PCDH15: variants seen among roughly 807,000 people sequenced by gnomAD.
PCDH15 encodes the protein protocadherin-15.
A neutral mutation model predicts 178.5 loss-of-function variants in PCDH15; 129 were observed. The observed-to-expected ratio is 0.72, with a 90% CI of 0.63 to 0.84. The LOEUF (loss-of-function observed/expected upper bound fraction) is 0.84. PCDH15 is among the 40% of genes least tolerant of loss of function. PCDH15 has a pLI of 0.00. For missense variants in PCDH15, 2,230 were observed against 2,099.9 expected (o/e 1.06, Z -1.21); for synonymous variants, 800 against 732.0 (o/e 1.09, Z -1.50).
chr10:54,297,733 G>A lies in PCDH15; in HGVS notation c.876+19538C>T, dbSNP rs529315504. Among the ~76,000 whole-genome samples, 10 of 152,286 alleles carry A rather than the reference G, an allele frequency of 6.6e-5. No individual in the cohort carries two copies. In the East Asian group the frequency reaches 1.4e-3, roughly 21 times the overall value. ...GGTACATGTCCCCTTCTCCCTCTCC[G>A]ATTTAAAGCAGATCAAGGCAGACCT... is the stretch of plus-strand genomic sequence containing the variant. On this transcript the variant is annotated intron_variant, in intron 8 of 37. Transcript: ENST00000644397.
At chr10:54,516,027 C>T (rs4437941) in intron 3 of PCDH15, among the ~76,000 whole-genome samples, 25,015 of 152,058 alleles carry the variant, frequency 0.16, 2,355 homozygotes, top group East Asian at 0.44. Context: ...CAAAAGCAGA[C>T]AAAACCACAA....
chr10:55,011,107 T>TACAC (rs35301705), intron 2 of PCDH15, among the ~76,000 whole-genome samples: 7 of 151,526 alleles, frequency 4.6e-5, no homozygotes, highest in East Asian at 1.9e-4. Context: ...ATTTTCTTGT[T>TACAC]ACACACACAC....
intron 21 of PCDH15, among the ~76,000 whole-genome samples, chr10:53,964,565 C>T (rs1163424810): frequency 4.9e-5 from 7 of 143,316 alleles, no homozygotes; most frequent in Non-Finnish European, 3.1e-5. Flanking sequence ...AACCACACAT[C>T]AAGGGTGCCC....
chr10:54,693,888 GA>G (rs2095173706), intron 1 of PCDH15, among the ~76,000 whole-genome samples: 1 of 152,008 alleles, frequency 6.6e-6, no homozygotes, highest in African/African-American at 2.4e-5. Flanking sequence ...AATCGTACAA[GA>G]AAAAACCAAA....
intron 1 of PCDH15, among the ~76,000 whole-genome samples, chr10:54,732,607 T>C (rs1943563412): frequency 6.6e-6 from 1 of 151,510 alleles, no homozygotes; most frequent in Admixed American, 6.6e-5. Context: ...TTCCACTAAA[T>C]GCTGAAGAAG....
chr10:55,289,983 T>C (rs1259129263), intron 1 of PCDH15, among the ~76,000 whole-genome samples: 1 of 151,826 alleles, frequency 6.6e-6, no homozygotes. Flanking sequence ...TCTTCTGTCA[T>C]AAGAAAACAT....
chr10:54,739,355 T>G (rs759427906), intron 1 of PCDH15, among the ~76,000 whole-genome samples: 90 of 151,786 alleles, frequency 5.9e-4, no homozygotes, highest in Middle Eastern at 3.4e-3. Context: ...AACCCGGGAA[T>G]AAATTTAGCC....
At chr10:54,516,367 G>T (rs2082218405) in intron 3 of PCDH15, among the ~76,000 whole-genome samples, 1 of 152,110 alleles carries the variant, frequency 6.6e-6, no homozygotes. Context: ...GTGCTTAAAG[G>T]AGCTGATGGA....
chr10:54,903,460 C>T (rs1412769017), intron 2 of PCDH15, among the ~76,000 whole-genome samples: 9 of 151,948 alleles, frequency 5.9e-5, no homozygotes, highest in Admixed American at 2.0e-4. Flanking sequence ...CACTTTGTTC[C>T]CCATTAGAAT....
intron 1 of PCDH15, among the ~76,000 whole-genome samples, chr10:54,683,992 C>A (rs780159652): frequency 6.6e-6 from 1 of 151,812 alleles, no homozygotes; most frequent in African/African-American, 2.4e-5. Flanking sequence ...TTTTGAGATA[C>A]TAAGAAGATT....
intron 2 of PCDH15, among the ~76,000 whole-genome samples, chr10:54,577,098 T>C (rs2090553156): frequency 1.3e-5 from 2 of 152,162 alleles, no homozygotes; most frequent in Admixed American, 1.3e-4. Flanking sequence ...TTTCTTTTTT[T>C]TTTTTGAGAC....
chr10:54,796,452 A>AT (rs66554759), intron 1 of PCDH15, among the ~76,000 whole-genome samples: 18,840 of 150,002 alleles, frequency 0.13, 1,789 homozygotes, highest in East Asian at 0.49. Context: ...ATCTCTTTAC[A>AT]TTTTTTTGTT....
Position 53,925,474 on chromosome 10 carries a change from C to G in PCDH15, c.3373+13341G>C, listed in dbSNP as rs141701522. ...CATCTTTTAGAACCCTAACACTCAC[C>G]GCGAGGGTCCGCGGCTTCATTCTTG... On this transcript the variant is annotated intron_variant, in intron 25 of 37. Transcript: ENST00000644397. Among the ~76,000 whole-genome samples, 795 of 152,312 alleles carry G rather than the reference C, an allele frequency of 5.2e-3. 8 individuals are homozygous for G. The highest frequency in any genetic ancestry group is 9.0e-3 in the Non-Finnish European group (615 of 68,026).
chr10:54,084,713 G>A (rs866762894), intron 16 of PCDH15, among the ~76,000 whole-genome samples: 4 of 152,094 alleles, frequency 2.6e-5, no homozygotes, highest in Middle Eastern at 3.4e-3. Flanking sequence ...TCAAAATTCC[G>A]TTATTAGGAA....
At chr10:54,059,760 C>T (rs548896560) in intron 18 of PCDH15, among the ~76,000 whole-genome samples, 2 of 152,274 alleles carry the variant, frequency 1.3e-5, no homozygotes, top group East Asian at 1.9e-4. Context: ...AGTTCAGATA[C>T]GCATGAGCAA....
At chr10:54,724,609 G>T (rs1212635327) in intron 1 of PCDH15, among the ~76,000 whole-genome samples, 1 of 151,306 alleles carries the variant, frequency 6.6e-6, no homozygotes, top group African/African-American at 2.4e-5. Flanking sequence ...TGTTAATTTT[G>T]TATGGTGCAC....
chr10:54,246,698 G>T (rs2055970207), intron 8 of PCDH15, among the ~76,000 whole-genome samples: 1 of 151,796 alleles, frequency 6.6e-6, no homozygotes, highest in Non-Finnish European at 1.5e-5. Flanking sequence ...TTAAATAGAA[G>T]AATAAAGTTG....
At chr10:54,825,187 T>C (rs1233180236) in intron 3 of PCDH15, among the ~76,000 whole-genome samples, 1 of 152,090 alleles carries the variant, frequency 6.6e-6, no homozygotes, top group Non-Finnish European at 1.5e-5. Context: ...TCCATGTCCC[T>C]ACAAAGGACA....
intron 2 of PCDH15, among the ~76,000 whole-genome samples, chr10:54,598,816 G>T (rs1442538135): frequency 1.3e-5 from 2 of 151,876 alleles, no homozygotes; most frequent in Non-Finnish European, 2.9e-5. Context: ...GACTACCATT[G>T]CTATACATCA....
Sources: gnomAD v4.1 joint callset for allele counts (sites outside exome capture counted in the v4.1 genomes callset) on GRCh38, gnomAD v4.1.1 for gene constraint, MANE v1.5 for transcripts, NCBI Gene and HGNC (gene_info 2026-07-23, HGNC 2026-07-21) for gene names.